The following SUZ12 variants were observed in gnomAD, a reference collection of about 807,000 sequenced individuals.
SUZ12 encodes the protein polycomb protein SUZ12.
In SUZ12, 17 loss-of-function variants were observed where a neutral mutation model predicts 87.3. The observed-to-expected ratio is 0.19, with a 90% confidence interval of 0.13 to 0.29. SUZ12 has a LOEUF of 0.29. SUZ12 is among the 10% of genes least tolerant of loss of function. SUZ12 has a pLI of 1.00. For missense variants in SUZ12, 526 were observed against 912.2 expected, an observed-to-expected ratio of 0.58 and a Z score of 5.45; for synonymous variants, 253 against 312.4, an observed-to-expected ratio of 0.81 and a Z score of 2.01.
intron 4 of SUZ12, among the ~76,000 whole-genome samples, chr17:31,949,398 C>T (rs1196979420): frequency 6.6e-6 from 1 of 152,078 alleles, no homozygotes; most frequent in Non-Finnish European, 1.5e-5. Flanking sequence ...GTGAGTTGGC[C>T]ATTTAAGCCT....
Position 31,955,100 on chromosome 17 carries a change from A to G in SUZ12, c.455+7415A>G, listed in dbSNP as rs559642471. Among the ~76,000 whole-genome samples the G allele has an allele frequency of 6.6e-5, 10 of 151,856 alleles. No individual in the cohort carries two copies. The South Asian group carries it at 1.0e-3, about 16-fold the overall frequency. On this transcript the variant is annotated intron_variant, in intron 4 of 15. Coordinates refer to ENST00000322652, the MANE Select transcript of SUZ12 (RefSeq NM_015355.4). The stretch of plus-strand genomic sequence containing the variant: ...CTTCCAGGCTCTGTTGTCTTACTTT[A>G]TTTTTTATTTTACTTTTTAGAGATG...
intron 4 of SUZ12, among the ~76,000 whole-genome samples, chr17:31,954,527 C>T (rs1406111298): frequency 3.9e-5 from 6 of 151,994 alleles, no homozygotes; most frequent in South Asian, 2.1e-4. Context: ...ACTAAGCCCT[C>T]GGGTATATAA....
chr17:31,963,973 G>A (rs1046565060), intron 4 of SUZ12: 3 of 152,104 alleles, frequency 2.0e-5, no homozygotes, highest in African/African-American at 7.2e-5. Flanking sequence ...GACCCTTATA[G>A]TTCTACTCTT....
chr17:31,983,115 C>T lies in SUZ12; in HGVS notation c.1023+11C>T, dbSNP rs1335657945. 6.2e-7 allele frequency: 1 copy of T among 1,610,882 alleles called. No individual in the cohort carries two copies. On this transcript the variant is annotated intron_variant, in intron 9 of 15. Coordinates refer to ENST00000322652, the MANE Select transcript of SUZ12 (RefSeq NM_015355.4). ...ATTCTTGATGGGAAGGTATGGACTA[C>T]TTAGAAGGTTGAGCACGTTATAGTT...
At chr17:31,971,428 T>TA (rs1189373293) in intron 5 of SUZ12, among the ~76,000 whole-genome samples, 1 of 140,582 alleles carries the variant, frequency 7.1e-6, no homozygotes, top group African/African-American at 3.1e-5. Context: ...CAACTTTTTT[T>TA]TTTTTTTTTT....
At position 31,937,661 on chromosome 17, in the gene SUZ12, G is replaced by A; in HGVS notation, c.274+141G>A. Reference sequence around the variant, plus strand: ...GGAATTGAGGGGATGTCCCCCTTTCGGAGATTACGTCTCCAGGGGATCCGG... The same window carrying A: ...GGAATTGAGGGGATGTCCCCCTTTCAGAGATTACGTCTCCAGGGGATCCGG... On this transcript the variant is annotated intron_variant, in intron 1 of 15. Coordinates refer to ENST00000322652, the MANE Select transcript of SUZ12 (RefSeq NM_015355.4). 3 of 1,220,796 alleles carry A rather than the reference G, an allele frequency of 2.5e-6. No individual in the cohort carries two copies. The South Asian group carries it at 4.1e-5, about 17-fold the overall frequency. 75.6% of individuals were successfully genotyped at this position (1,220,796 alleles called of 1,614,324 possible).
At chr17:31,973,541 G>A (rs1908562601) in intron 6 of SUZ12, among the ~76,000 whole-genome samples, 1 of 152,176 alleles carries the variant, frequency 6.6e-6, no homozygotes, top group Non-Finnish European at 1.5e-5. Flanking sequence ...GTATTTCTTA[G>A]CTGTTTGTAC....
In SUZ12 at chr17:31,988,347, C is replaced by T; in HGVS notation, c.1051C>T (p.Gln351Ter). Residue 351 changes from glutamine (Q) to a stop codon, truncating the protein, a stop_gained, in exon 10 of 16, where the codon CAG (glutamine) becomes TAG (stop). Transcript: ENST00000322652. LOFTEE classifies it high-confidence loss of function. ...GCTGCCTCCATTCGAAACATTTTCT[C>T]AGGGACCTACGTTGCAGTTCACTCT... ...KRLPPFETFS[Q>*]GPTLQFTLRW... 1.3e-6 allele frequency: 2 copies of T among 1,579,474 alleles called. No homozygotes were observed. The highest frequency in any genetic ancestry group is 8.6e-7 in the Non-Finnish European group (1 of 1,168,036).
chr17:31,961,612 A>C (rs777900054), intron 4 of SUZ12, among the ~76,000 whole-genome samples: 1 of 152,144 alleles, frequency 6.6e-6, no homozygotes, highest in Admixed American at 6.5e-5. Context: ...ACCATTTAAA[A>C]CTGTCTCAAA....
Position 31,937,315 on chromosome 17 carries a change from C to T in SUZ12, c.69C>T (p.Gly23=). 1.4e-6 allele frequency: 2 copies of T among 1,439,192 alleles called. No individual in the cohort carries two copies. The highest frequency in any genetic ancestry group is 1.8e-6 in the Non-Finnish European group (2 of 1,105,472). The allele number at this position is 1,439,192 out of a possible 1,614,324, so 89.2% of individuals were successfully genotyped here. The change falls in exon 1 of 16, where the codon GGC becomes GGT. Residue 23 remains glycine (G), a synonymous_variant. Coordinates refer to ENST00000322652, the MANE Select transcript of SUZ12 (RefSeq NM_015355.4). Reference sequence around the variant, plus strand: ...GGCCCAGCGCGGGGTCCGGGGGAGGCGGCTTCGGGGGTTCGGCGGCGGTGG... The same window carrying T: ...GGCCCAGCGCGGGGTCCGGGGGAGGTGGCTTCGGGGGTTCGGCGGCGGTGG... ...GSGPSAGSGG[G]GFGGSAAVAA...
chr17:31,947,606 G>C lies in SUZ12; in HGVS notation c.387-11G>C, dbSNP rs2142128826. On this transcript the variant is annotated splice_polypyrimidine_tract_variant and intron_variant, in intron 3 of 15. Coordinates refer to ENST00000322652, the MANE Select transcript of SUZ12 (RefSeq NM_015355.4). ...TGAGAAGTGATTATTTTGTTTATCT[G>C]TTTCTTCCAGGAAAACATTTAAAGT... 2 of 1,596,714 alleles carry C rather than the reference G, an allele frequency of 1.3e-6. No homozygotes were observed. The highest frequency in any genetic ancestry group is 2.7e-5 in the African/African-American group (2 of 74,424).
intron 3 of SUZ12, among the ~76,000 whole-genome samples, chr17:31,941,324 T>A (rs1351677724): frequency 6.6e-6 from 1 of 151,858 alleles, no homozygotes; most frequent in Admixed American, 6.6e-5. Flanking sequence ...TGGTGCAATC[T>A]CGGCTCACTG....
At chr17:31,969,094 C>A (rs1053362282) in intron 5 of SUZ12, among the ~76,000 whole-genome samples, 30 of 152,136 alleles carry the variant, frequency 2.0e-4, no homozygotes, top group South Asian at 4.1e-4. Context: ...CTCATGCCTC[C>A]ACCTCCCAAG....
intron 4 of SUZ12, among the ~76,000 whole-genome samples, chr17:31,960,177 T>C (rs1167412093): frequency 2.6e-5 from 4 of 151,996 alleles, no homozygotes; most frequent in African/African-American, 7.2e-5. Flanking sequence ...ATGGAAGGGA[T>C]CATTGGTACA....
chr17:31,973,437 A>G (rs1459085523), intron 6 of SUZ12, among the ~76,000 whole-genome samples: 1 of 152,034 alleles, frequency 6.6e-6, no homozygotes, highest in Non-Finnish European at 1.5e-5. Context: ...AAGTGTCTGT[A>G]CAAAACTTTC....
chr17:31,945,807 G>T (rs1293103199), intron 3 of SUZ12, among the ~76,000 whole-genome samples: 1 of 152,090 alleles, frequency 6.6e-6, no homozygotes, highest in South Asian at 2.1e-4. Flanking sequence ...ACCTTAGAAC[G>T]TACAGTCTTT....
chr17:31,954,478 G>A (rs541575727), intron 4 of SUZ12, among the ~76,000 whole-genome samples: 38 of 152,112 alleles, frequency 2.5e-4, no homozygotes, highest in African/African-American at 8.4e-4. Context: ...TCTTGGGGGC[G>A]CGTTTCATTT....
At chr17:31,943,506 T>C (rs1170997325) in intron 3 of SUZ12, among the ~76,000 whole-genome samples, 1 of 152,108 alleles carries the variant, frequency 6.6e-6, no homozygotes. Flanking sequence ...GGAGATAACA[T>C]TTAGCTGAAT....
intron 4 of SUZ12, among the ~76,000 whole-genome samples, chr17:31,960,550 G>A (rs1907642015): frequency 6.6e-6 from 1 of 151,834 alleles, no homozygotes; most frequent in African/African-American, 2.4e-5. Flanking sequence ...ATCATGCATA[G>A]CAAGTCACAT....
Sources: gnomAD v4.1 joint callset for allele counts (sites outside exome capture counted in the v4.1 genomes callset) on GRCh38, gnomAD v4.1.1 for gene constraint, MANE v1.5 for transcripts, NCBI Gene and HGNC (gene_info 2026-07-23, HGNC 2026-07-21) for gene names.